Variants in MDGA2 observed in about 807,000 individuals in gnomAD.
MDGA2 encodes the protein MAM domain containing glycosylphosphatidylinositol anchor 2.
Under a neutral mutation model 117.8 loss-of-function variants are expected in MDGA2, and 40 were observed. The observed-to-expected ratio is 0.34, with a 90% confidence interval of 0.26 to 0.44. The LOEUF is 0.44. Ranked by LOEUF, MDGA2 falls within the 20% of genes least tolerant of loss-of-function variation. The pLI is 1.00. For missense variants in MDGA2, 1,123 were observed against 1,250.6 expected (o/e 0.90, Z 1.54); for synonymous variants, 452 against 439.0 (o/e 1.03, Z -0.37).
chr14:47,548,171 T>A (rs921002514), intron 1 of MDGA2, among the ~76,000 whole-genome samples: 11 of 152,204 alleles, frequency 7.2e-5, no homozygotes, highest in African/African-American at 2.7e-4. Context: ...CTCAGGTTAC[T>A]GTCTAGAGCT....
At chr14:47,563,578 G>GTTTTTTTTTTTTTTTTTTTTTTTTTTT (rs56244321) in intron 1 of MDGA2, among the ~76,000 whole-genome samples, 1 of 56,974 alleles carries the variant, frequency 1.8e-5, no homozygotes, top group Non-Finnish European at 3.2e-5. Context: ...GCTTTTTTCT[G>GTTTTTTTTTTTTTTTTTTTTTTTTTTT]TTTTTTTTTT....
chr14:46,931,435 A>G (rs1884571594), intron 9 of MDGA2, among the ~76,000 whole-genome samples: 2 of 152,000 alleles, frequency 1.3e-5, no homozygotes, highest in Non-Finnish European at 2.9e-5. Context: ...GTTTTTCAGT[A>G]GAACTTTGGA....
chr14:47,279,808 C>T (rs1382178046), intron 2 of MDGA2, among the ~76,000 whole-genome samples: 1 of 152,022 alleles, frequency 6.6e-6, no homozygotes, highest in Non-Finnish European at 1.5e-5. Context: ...GATATGTTGC[C>T]CCCGCCATCC....
intron 1 of MDGA2, among the ~76,000 whole-genome samples, chr14:47,391,566 T>C (rs1891896069): frequency 6.6e-6 from 1 of 152,170 alleles, no homozygotes; most frequent in African/African-American, 2.4e-5. Flanking sequence ...TCTGTTTAAA[T>C]TGTATTTTTT....
At chr14:47,216,799 T>C (rs1886104497) in intron 3 of MDGA2, among the ~76,000 whole-genome samples, 1 of 151,984 alleles carries the variant, frequency 6.6e-6, no homozygotes. Context: ...GTCAGGAAAA[T>C]GGAAGCCAGG....
At chr14:47,346,728 A>G (rs1890770813) in intron 1 of MDGA2, among the ~76,000 whole-genome samples, 1 of 152,190 alleles carries the variant, frequency 6.6e-6, no homozygotes, top group African/African-American at 2.4e-5. Context: ...AGAAACATTT[A>G]TTTACCATTT....
intron 8 of MDGA2, among the ~76,000 whole-genome samples, chr14:46,971,654 G>C (rs1886269134): frequency 6.6e-6 from 1 of 151,968 alleles, no homozygotes; most frequent in Non-Finnish European, 1.5e-5. Context: ...GCAGATTAGA[G>C]AGAGTATAGT....
intron 1 of MDGA2, among the ~76,000 whole-genome samples, chr14:47,358,851 T>C (rs1157721236): frequency 1.3e-5 from 2 of 152,082 alleles, no homozygotes; most frequent in Non-Finnish European, 2.9e-5. Context: ...TGCCCATGGA[T>C]TCGGAAAACT....
intron 6 of MDGA2, among the ~76,000 whole-genome samples, chr14:47,087,342 C>A (rs1003912923): frequency 6.6e-6 from 1 of 151,146 alleles, no homozygotes; most frequent in Non-Finnish European, 1.5e-5. Flanking sequence ...TGGTGAAACC[C>A]CACCTCTACA....
At chr14:47,268,817 T>A (rs528971265) in intron 2 of MDGA2, among the ~76,000 whole-genome samples, 2 of 152,346 alleles carry the variant, frequency 1.3e-5, no homozygotes, top group South Asian at 4.1e-4. Context: ...ATTAATTCTA[T>A]GAGTAGATAA....
rs1315392975 is a variant in MDGA2 at position 47,166,096 on chromosome 14, G to A, written c.596-21822C>T. Among the ~76,000 whole-genome samples the A allele has an allele frequency of 2.0e-5, 3 of 150,170 alleles. No individual in the cohort carries two copies. In the East Asian group the frequency reaches 5.9e-4, roughly 29 times the overall value. On this transcript the variant is annotated intron_variant, in intron 3 of 16. Transcript: ENST00000399232. ...TGTTGCCCAGGCTGGACTGCAATAG[G>A]GTGATCCTGACTCACTGCAACCTCC...
chr14:47,271,221 G>C (rs755830713), intron 2 of MDGA2, among the ~76,000 whole-genome samples: 4 of 152,116 alleles, frequency 2.6e-5, no homozygotes, highest in Non-Finnish European at 5.9e-5. Context: ...ACTAGCAACA[G>C]CTTCACCTTC....
At chr14:46,923,676 C>T (rs931998383) in intron 9 of MDGA2, among the ~76,000 whole-genome samples, 1 of 133,036 alleles carries the variant, frequency 7.5e-6, no homozygotes, top group Non-Finnish European at 1.6e-5. Context: ...TGTGGAAAAG[C>T]TTTAAAAGGA....
intron 5 of MDGA2, among the ~76,000 whole-genome samples, chr14:47,118,997 C>G (rs943184605): frequency 4.2e-4 from 64 of 152,206 alleles, no homozygotes; most frequent in African/African-American, 1.4e-3. Flanking sequence ...CTCTGCCTCC[C>G]AAAGCAGAGA....
At chr14:47,098,040 C>G (rs1594617317) in intron 5 of MDGA2, among the ~76,000 whole-genome samples, 1 of 151,610 alleles carries the variant, frequency 6.6e-6, no homozygotes, top group African/African-American at 2.4e-5. Flanking sequence ...TAAATAAAAA[C>G]AGGAGAAATA....
At chr14:47,088,226 T>C (rs1333499540) in intron 6 of MDGA2, among the ~76,000 whole-genome samples, 2 of 151,838 alleles carry the variant, frequency 1.3e-5, no homozygotes, top group Non-Finnish European at 2.9e-5. Context: ...AATTTTTAGA[T>C]TTTATATGGC....
rs1171774670 is a variant in MDGA2, at chr14:46,843,449, T to C, written c.2990-1430A>G. 2.6e-5 allele frequency among the ~76,000 whole-genome samples: 4 copies of C among 152,136 alleles called. 1 individual carries two copies. Among genetic ancestry groups the C allele is most frequent in the Non-Finnish European group, 5.9e-5 (4 of 67,996 alleles). Reference sequence around the variant, plus strand: ...ACTATGAAATTCAAAAGAAATCCTATTCTCCTTTGAGGAGAATACATGTTT... The same window carrying C: ...ACTATGAAATTCAAAAGAAATCCTACTCTCCTTTGAGGAGAATACATGTTT... On this transcript the variant is annotated intron_variant, in intron 16 of 16. Transcript: ENST00000399232.
intron 3 of MDGA2, among the ~76,000 whole-genome samples, chr14:47,184,094 ATGTG>A (rs967358798): frequency 1.3e-5 from 2 of 151,936 alleles, no homozygotes; most frequent in Admixed American, 6.6e-5. Context: ...TTTAAAATCT[ATGTG>A]TGTGTATGTG....
At chr14:47,532,445 T>C (rs969158204) in intron 1 of MDGA2, among the ~76,000 whole-genome samples, 1 of 152,186 alleles carries the variant, frequency 6.6e-6, no homozygotes, top group Non-Finnish European at 1.5e-5. Flanking sequence ...TATTTGTGAG[T>C]TCATTTCTAA....
Sources: allele counts gnomAD v4.1 joint callset (sites outside exome capture counted in the v4.1 genomes callset), GRCh38; gene constraint gnomAD v4.1.1; transcripts MANE v1.5; gene names NCBI Gene and HGNC (gene_info 2026-07-23, HGNC 2026-07-21).